Variants in RCSD1 observed in about 807,000 individuals in gnomAD.
RCSD1 encodes RCSD domain containing 1.
In RCSD1, 26 loss-of-function variants were observed where a neutral mutation model predicts 42.5. That is an observed-to-expected ratio of 0.61 (90% CI 0.45 to 0.85). The LOEUF (loss-of-function observed/expected upper bound fraction) is 0.85. Ranked by LOEUF, RCSD1 falls within the 40% of genes least tolerant of loss-of-function variation. RCSD1 has a pLI of 0.00. For missense variants in RCSD1, 571 were observed against 528.3 expected, an observed-to-expected ratio of 1.08 and a Z score of -0.79; for synonymous variants, 220 against 212.2, an observed-to-expected ratio of 1.04 and a Z score of -0.32.
chr1:167,641,175 G>A (rs957939732), intron 1 of RCSD1, among the ~76,000 whole-genome samples: 2 of 152,020 alleles, frequency 1.3e-5, no homozygotes, highest in African/African-American at 4.8e-5. Context: ...CTGTCTCCAG[G>A]CCGCTATGGA....
Position 167,670,549 on chromosome 1 carries a change from C to T in RCSD1, c.7-13351C>T, listed in dbSNP as rs10918736. Among the ~76,000 whole-genome samples, 1,442 of 152,300 alleles carry T rather than the reference C, an allele frequency of 9.5e-3. 33 individuals are homozygous for T. The highest frequency in any genetic ancestry group is 0.033 in the African/African-American group (1,385 of 41,548). ...CCCAGCACCCTCTCCATCTCCTCTG[C>T]AGCCTTTGCTCACCCTCCCTGTCTT... On this transcript the variant is annotated intron_variant, in intron 1 of 6. Transcript: ENST00000367854.
chr1:167,681,490 T>A (rs7520003), intron 1 of RCSD1, among the ~76,000 whole-genome samples: 2,072 of 152,304 alleles, frequency 0.014, 51 homozygotes, highest in African/African-American at 0.048. Flanking sequence ...GGTAATAGAA[T>A]CTTTCCTTCA....
At chr1:167,693,802 G>A (rs566358288) in intron 4 of RCSD1, among the ~76,000 whole-genome samples, 14 of 152,264 alleles carry the variant, frequency 9.2e-5, no homozygotes, top group East Asian at 1.9e-4. Flanking sequence ...TTGCTGCTTC[G>A]CCACTTTGTT....
At chr1:167,634,407 A>G (rs1406648683) in intron 1 of RCSD1, among the ~76,000 whole-genome samples, 2 of 151,360 alleles carry the variant, frequency 1.3e-5, no homozygotes, top group African/African-American at 4.8e-5. Context: ...CAGTGTTTAG[A>G]TATGTTGGTT....
intron 1 of RCSD1, among the ~76,000 whole-genome samples, chr1:167,679,731 T>C (rs569940208): frequency 1.3e-5 from 2 of 152,330 alleles, no homozygotes; most frequent in South Asian, 4.1e-4. Flanking sequence ...AGGCCTTCCC[T>C]GGGGCCTTGT....
At chr1:167,659,320 T>C (rs1460402435) in intron 1 of RCSD1, among the ~76,000 whole-genome samples, 2 of 152,222 alleles carry the variant, frequency 1.3e-5, no homozygotes, top group African/African-American at 2.4e-5. Context: ...AGAATACTTT[T>C]CCAGGTCTCT....
At chr1:167,670,756 C>T (rs891382419) in intron 1 of RCSD1, among the ~76,000 whole-genome samples, 1 of 152,182 alleles carries the variant, frequency 6.6e-6, no homozygotes, top group African/African-American at 2.4e-5. Context: ...AAATGACACT[C>T]CTCTCCACCC....
chr1:167,695,570 C>T (rs1200927100), intron 5 of RCSD1, among the ~76,000 whole-genome samples: 5 of 146,704 alleles, frequency 3.4e-5, no homozygotes, highest in Non-Finnish European at 7.5e-5. Flanking sequence ...GCAAGGTCTT[C>T]CTCTGTCACC....
At chr1:167,650,539 T>A (rs951931574) in intron 1 of RCSD1, among the ~76,000 whole-genome samples, 5 of 152,090 alleles carry the variant, frequency 3.3e-5, no homozygotes, top group African/African-American at 9.7e-5. Context: ...TCTGGCCTGG[T>A]ACCCCAGAGG....
At position 167,630,316 on chromosome 1, in the gene RCSD1, G is replaced by T; in HGVS notation, c.-108G>T. 2 of 1,228,276 alleles carry T rather than the reference G, an allele frequency of 1.6e-6. No homozygotes were observed. The highest frequency in any genetic ancestry group is 1.0e-6 in the Non-Finnish European group (1 of 965,340). 76.1% of individuals were successfully genotyped at this position (1,228,276 alleles called of 1,614,324 possible). A position where few individuals can be genotyped will look rare whatever the true frequency, so the allele number is the denominator to read the frequency against. On this transcript the variant is annotated 5_prime_UTR_variant, in exon 1 of 7. Coordinates refer to ENST00000367854, the MANE Select transcript of RCSD1 (RefSeq NM_052862.4). ...GCCACCGCCCACTCGCCCTGTGCCCGCCGCAGCCCGAAACTGGCCACGGCC... is the reference window on the plus strand; with the variant it reads ...GCCACCGCCCACTCGCCCTGTGCCCTCCGCAGCCCGAAACTGGCCACGGCC...
chr1:167,684,381 A>C (rs535575126), intron 2 of RCSD1, among the ~76,000 whole-genome samples: 61 of 152,242 alleles, frequency 4.0e-4, no homozygotes, highest in Non-Finnish European at 7.3e-4. Flanking sequence ...AGAGCAAGGC[A>C]AGGCTGGGGC....
At chr1:167,692,515 T>G (rs1386266087) in intron 4 of RCSD1, among the ~76,000 whole-genome samples, 3 of 151,398 alleles carry the variant, frequency 2.0e-5, no homozygotes, top group Non-Finnish European at 2.9e-5. Context: ...TATGCCGCTT[T>G]TTTTTTTATT....
At chr1:167,687,575 G>T (rs1370647559) in intron 3 of RCSD1, among the ~76,000 whole-genome samples, 2 of 151,946 alleles carry the variant, frequency 1.3e-5, no homozygotes, top group Non-Finnish European at 2.9e-5. Flanking sequence ...TGAGCAGCCT[G>T]CTTTGTCTGG....
At position 167,704,844 on chromosome 1, in the gene RCSD1, A is replaced by G. The variant is rs759550840; in HGVS notation, c.*148A>G. The stretch of plus-strand genomic sequence containing the variant: ...TCAGCCTGAAGACACAGGGTGGATT[A>G]TTTCCTGGCCTCCACACCAAACGTT... On this transcript the variant is annotated 3_prime_UTR_variant, in exon 7 of 7. Coordinates refer to ENST00000367854, the MANE Select transcript of RCSD1 (RefSeq NM_052862.4). 2 of 722,816 alleles carry G rather than the reference A, an allele frequency of 2.8e-6. No individual in the cohort carries two copies. Among genetic ancestry groups the G allele is most frequent in the African/African-American group, 1.7e-5 (1 of 57,262 alleles). The allele number at this position is 722,816 out of a possible 1,614,324, so 44.8% of individuals were successfully genotyped here. A position where few individuals can be genotyped will look rare whatever the true frequency, so the allele number is the denominator to read the frequency against.
At chr1:167,667,361 C>A (rs938004335) in intron 1 of RCSD1, among the ~76,000 whole-genome samples, 3 of 152,214 alleles carry the variant, frequency 2.0e-5, no homozygotes, top group Admixed American at 6.5e-5. Flanking sequence ...GGGCAGACAC[C>A]ATTCTACTAT....
At chr1:167,665,626 GGT>G (rs1658639061) in intron 1 of RCSD1, among the ~76,000 whole-genome samples, 1 of 152,102 alleles carries the variant, frequency 6.6e-6, no homozygotes, top group Admixed American at 6.5e-5. Context: ...ACCGTCATTT[GGT>G]ATTGTCAGTT....
chr1:167,687,345 A>G (rs1266801898), intron 3 of RCSD1, among the ~76,000 whole-genome samples: 1 of 150,924 alleles, frequency 6.6e-6, no homozygotes, highest in Admixed American at 6.6e-5. Flanking sequence ...TAACACGGTG[A>G]AACCCCGTCT....
At chr1:167,632,930 TG>T (rs1158579247) in intron 1 of RCSD1, among the ~76,000 whole-genome samples, 2 of 152,192 alleles carry the variant, frequency 1.3e-5, no homozygotes, top group Non-Finnish European at 2.9e-5. Flanking sequence ...GAGTTGGATT[TG>T]GGGGTTTCTG....
chr1:167,638,125 C>T (rs1657907722), intron 1 of RCSD1, among the ~76,000 whole-genome samples: 1 of 152,214 alleles, frequency 6.6e-6, no homozygotes, highest in Non-Finnish European at 1.5e-5. Context: ...GTACGCTTTT[C>T]CCACCCTGCT....
Sources: allele counts gnomAD v4.1 joint callset (sites outside exome capture counted in the v4.1 genomes callset), GRCh38; gene constraint gnomAD v4.1.1; transcripts MANE v1.5; gene names NCBI Gene and HGNC (gene_info 2026-07-23, HGNC 2026-07-21).